The following ZFAT variants were observed in gnomAD, a reference collection of about 807,000 sequenced individuals.
ZFAT encodes zinc finger and AT-hook domain containing, also known as zinc finger protein ZFAT.
A neutral mutation model predicts 117.7 loss-of-function variants in ZFAT; 64 were observed. That is an observed-to-expected ratio of 0.54 (90% confidence interval 0.44 to 0.67). ZFAT has a LOEUF of 0.67. Ranked by LOEUF, ZFAT falls within the 30% of genes least tolerant of loss-of-function variation. The probability of loss-of-function intolerance (pLI) is 0.00; values close to 1 mark genes in which losing one functional copy is unlikely to be tolerated. For missense variants in ZFAT, 1,433 were observed against 1,584.5 expected (o/e 0.90, Z 1.62); for synonymous variants, 679 against 615.0 (o/e 1.10, Z -1.54).
At position 134,583,966 on chromosome 8, in the gene ZFAT, G is replaced by A; in HGVS notation, c.2753C>T (p.Thr918Ile). The change falls in exon 10 of 16, where the codon ACT becomes ATT. Residue 918 changes from threonine to isoleucine, a missense_variant. Around this residue, in one of 5 missense-constraint regions of ZFAT, gnomAD observed 503 missense variants for 543.4 expected, o/e 0.93. Coordinates refer to ENST00000377838, the MANE Select transcript of ZFAT (RefSeq NM_020863.4). ...PFKCSLCEYA[T>I]RSKSNLKAHM... ...AGCCTTGAGGTTACTCTTGCTACGA[G>A]TTGCATACTCACACAAAGAACACTT... 6.4e-7 allele frequency: 1 copy of A among 1,568,064 alleles called. No individual in the cohort carries two copies. The highest frequency in any genetic ancestry group is 8.7e-7 in the Non-Finnish European group (1 of 1,155,014).
the ZFAT span, among the ~76,000 whole-genome samples, chr8:134,775,805 A>G: frequency 6.6e-6 from 1 of 152,200 alleles, no homozygotes; most frequent in Admixed American, 6.5e-5. Context: ...CCAGGGAGAG[A>G]AAACCCCACT....
chr8:134,594,383 A>G (rs1470026641), intron 7 of ZFAT, among the ~76,000 whole-genome samples: 1 of 152,258 alleles, frequency 6.6e-6, no homozygotes, highest in African/African-American at 2.4e-5. Flanking sequence ...GATTGAAAGT[A>G]GCTTCGTCTA....
At chr8:134,652,396 A>T (rs1310400706) in intron 2 of ZFAT, among the ~76,000 whole-genome samples, 1 of 152,180 alleles carries the variant, frequency 6.6e-6, no homozygotes, top group Non-Finnish European at 1.5e-5. Flanking sequence ...GCAGAAAAAA[A>T]CTCATCCATG....
intron 15 of ZFAT, among the ~76,000 whole-genome samples, chr8:134,505,542 G>A (rs1167336001): frequency 6.6e-6 from 1 of 152,214 alleles, no homozygotes; most frequent in Non-Finnish European, 1.5e-5. Context: ...GATTATCTGG[G>A]TGGGTCCAAT....
At chr8:134,621,254 T>G (rs1161828991) in intron 3 of ZFAT, among the ~76,000 whole-genome samples, 1 of 151,304 alleles carries the variant, frequency 6.6e-6, no homozygotes, top group African/African-American at 2.4e-5. Flanking sequence ...TCAGCAACAG[T>G]GGGTGTAAAT....
At chr8:134,729,180 C>T in the ZFAT span, among the ~76,000 whole-genome samples, 3 of 152,178 alleles carry the variant, frequency 2.0e-5, no homozygotes, top group African/African-American at 7.2e-5. Context: ...CCATGCCCGA[C>T]CAGGATGATT....
Position 134,657,546 on chromosome 8 carries a change from C to G in ZFAT, c.196+15G>C, listed in dbSNP as rs182974389. The stretch of plus-strand genomic sequence containing the variant: ...GTGTCAGAAGGTATCCTGCCCCACC[C>G]CCCAGCCCCCTTACCATCTCCGGTT... On this transcript the variant is annotated intron_variant, in intron 2 of 15. Transcript: ENST00000377838. 3 of 1,601,608 alleles carry G rather than the reference C, an allele frequency of 1.9e-6. No homozygotes were observed. Among genetic ancestry groups the G allele is most frequent in the Non-Finnish European group, 2.6e-6 (3 of 1,171,376 alleles).
chr8:134,521,093 G>C, intron 12 of ZFAT, 92 bp from the exon 13 acceptor site: 3 of 872,196 alleles, frequency 3.4e-6, no homozygotes, highest in Non-Finnish European at 5.3e-6. Context: ...TTCAAATCTA[G>C]TAAGTATTAT....
chr8:134,750,690 T>C, the ZFAT span, among the ~76,000 whole-genome samples: 2 of 152,150 alleles, frequency 1.3e-5, no homozygotes, highest in Non-Finnish European at 2.9e-5. Context: ...TGCTTGAGCC[T>C]GGGATGTTGA....
At chr8:134,670,854 A>G (rs1403878122) in intron 1 of ZFAT, among the ~76,000 whole-genome samples, 1 of 152,230 alleles carries the variant, frequency 6.6e-6, no homozygotes, top group African/African-American at 2.4e-5. Context: ...ATAGACTACT[A>G]GCCACACTAA....
intron 15 of ZFAT, among the ~76,000 whole-genome samples, chr8:134,493,216 C>T (rs548946586): frequency 2.0e-5 from 3 of 152,286 alleles, no homozygotes; most frequent in Non-Finnish European, 2.9e-5. Flanking sequence ...ACTCCACTAC[C>T]GGCCAACACA....
At chr8:134,493,288 A>C (rs1586574766) in intron 15 of ZFAT, among the ~76,000 whole-genome samples, 1 of 152,074 alleles carries the variant, frequency 6.6e-6, no homozygotes, top group South Asian at 2.1e-4. Flanking sequence ...TGCAACACGG[A>C]CTTGTCCACC....
At chr8:134,550,310 G>GGAAAAAAAAAAA (rs567927266) in intron 11 of ZFAT, among the ~76,000 whole-genome samples, 2 of 72,540 alleles carry the variant, frequency 2.8e-5, no homozygotes, top group African/African-American at 1.0e-4. Flanking sequence ...GGTCACAACG[G>GGAAAAAAAAAAA]AAAAAAAAAA....
chr8:134,823,205 G>C, the ZFAT span, among the ~76,000 whole-genome samples: 2 of 152,054 alleles, frequency 1.3e-5, no homozygotes, highest in Non-Finnish European at 2.9e-5. Context: ...CTGGGAGACA[G>C]GACAATACCT....
intron 11 of ZFAT, among the ~76,000 whole-genome samples, chr8:134,537,133 T>C (rs186535173): frequency 6.6e-6 from 1 of 152,382 alleles, no homozygotes; most frequent in African/African-American, 2.4e-5. Context: ...ATGTTTTGCA[T>C]GGATTAATTC....
Position 134,490,960 on chromosome 8 carries a change from C to T in ZFAT, c.3493-12239G>A, listed in dbSNP as rs893389687. ...CACGCCTGAAGCCAGTGCACCTCAG[C>T]GGCAGAACCCTCCATCCCTTGTAGA... On this transcript the variant is annotated intron_variant, in intron 15 of 15. Coordinates refer to ENST00000377838, the MANE Select transcript of ZFAT (RefSeq NM_020863.4). Among the ~76,000 whole-genome samples, 7 of 152,256 alleles carry T rather than the reference C, an allele frequency of 4.6e-5. No homozygotes were observed. The South Asian group carries it at 6.2e-4, about 14-fold the overall frequency.
the ZFAT span, among the ~76,000 whole-genome samples, chr8:134,724,863 C>T: frequency 6.6e-6 from 1 of 152,154 alleles, no homozygotes; most frequent in Non-Finnish European, 1.5e-5. Context: ...AGTTAAAGCG[C>T]TTCTCCCTTT....
At position 134,478,816 on chromosome 8, in the gene ZFAT, C is replaced by T. The variant is rs566094593; in HGVS notation, c.3493-95G>A. ...AACTACAGTTTAGGAGGCACCAGTG[C>T]GCTGCGGGAGCACGTCCATTCTCCA... On this transcript the variant is annotated intron_variant, in intron 15 of 15. Transcript: ENST00000377838. The surrounding 1 kb of genome is among the most constrained non-coding windows in gnomAD (Gnocchi z 5.2). The T allele has an allele frequency of 2.0e-5, 30 of 1,476,456 alleles. No homozygotes were observed. The East Asian group carries it at 2.2e-4, about 11-fold the overall frequency. 91.5% of individuals were successfully genotyped at this position (1,476,456 alleles called of 1,614,324 possible).
chr8:134,542,783 G>C (rs747629173), intron 11 of ZFAT, among the ~76,000 whole-genome samples: 2 of 152,108 alleles, frequency 1.3e-5, no homozygotes, highest in Non-Finnish European at 2.9e-5. Flanking sequence ...GCAGGGGAAG[G>C]AGAGCATGTA....
Sources: allele counts gnomAD v4.1 joint callset (sites outside exome capture counted in the v4.1 genomes callset), GRCh38; gene constraint gnomAD v4.1.1; regional missense constraint gnomAD v4.1.1; non-coding constraint Gnocchi (gnomAD v3.1); transcripts MANE v1.5; gene names NCBI Gene and HGNC (gene_info 2026-07-23, HGNC 2026-07-21).